EEPD1: variants seen among roughly 807,000 people sequenced by gnomAD.
EEPD1 encodes endonuclease/exonuclease/phosphatase family domain containing 1.
EEPD1 carries 17 observed loss-of-function variants against 46.3 expected under a neutral mutation model. That is an observed-to-expected ratio of 0.37 (90% confidence interval 0.25 to 0.55). EEPD1 has a LOEUF of 0.55. Ranked by LOEUF, EEPD1 falls within the 20% of genes least tolerant of loss-of-function variation. EEPD1 has a pLI of 0.83. For missense variants in EEPD1, 673 were observed against 745.6 expected, an observed-to-expected ratio of 0.90 and a Z score of 1.13; for synonymous variants, 313 against 315.6, an observed-to-expected ratio of 0.99 and a Z score of 0.09.
chr7:36,248,994 A>AACACACACACACACACACACACACACAC (rs71553052), intron 3 of EEPD1, among the ~76,000 whole-genome samples: 3 of 135,422 alleles, frequency 2.2e-5, no homozygotes, highest in South Asian at 5.1e-4. Context: ...TGGTTCATTA[A>AACACACACACACACACACACACACACAC]ACACACACAC....
At chr7:36,156,151 T>C (rs905769821) in intron 2 of EEPD1, among the ~76,000 whole-genome samples, 2 of 152,158 alleles carry the variant, frequency 1.3e-5, no homozygotes, top group Non-Finnish European at 2.9e-5. Context: ...TTGATTTCCT[T>C]TGCACTGAGT....
chr7:36,187,309 T>C (rs943462667), intron 2 of EEPD1, among the ~76,000 whole-genome samples: 2 of 152,208 alleles, frequency 1.3e-5, no homozygotes, highest in South Asian at 4.1e-4. Context: ...TGGCATAAAG[T>C]ACATTCACAT....
chr7:36,197,388 C>T (rs1469086734), intron 2 of EEPD1, among the ~76,000 whole-genome samples: 27 of 152,026 alleles, frequency 1.8e-4, no homozygotes, highest in Admixed American at 9.2e-4. Context: ...CCCCTCTGCC[C>T]GGCCACCACC....
intron 4 of EEPD1, 82 bp downstream of exon 4, chr7:36,281,307 T>C: frequency 3.9e-6 from 5 of 1,289,526 alleles, no homozygotes; most frequent in Non-Finnish European, 5.5e-6. Context: ...TTTAAAAATT[T>C]CCTTTGCCAA....
intron 2 of EEPD1, among the ~76,000 whole-genome samples, chr7:36,194,665 A>C (rs1048057852): frequency 3.9e-5 from 6 of 152,190 alleles, no homozygotes; most frequent in South Asian, 4.1e-4. Flanking sequence ...ACCTAGGAGG[A>C]GTCCCAGGCC....
At position 36,281,317 on chromosome 7, in the gene EEPD1, A is replaced by T. The variant is rs1214019771; in HGVS notation, c.1041+92A>T. On this transcript the variant is annotated intron_variant, in intron 4 of 7. Coordinates refer to ENST00000242108, the MANE Select transcript of EEPD1 (RefSeq NM_030636.3). ...GGGCATTTAAAAATTTCCTTTGCCAATATCCCCGGTTCAATTTTGTATTTC... is the reference window on the plus strand; with the variant it reads ...GGGCATTTAAAAATTTCCTTTGCCATTATCCCCGGTTCAATTTTGTATTTC... 3.6e-5 allele frequency: 41 copies of T among 1,125,906 alleles called. No individual in the cohort carries two copies. The South Asian group carries it at 4.5e-4, about 12-fold the overall frequency. The allele number at this position is 1,125,906 out of a possible 1,614,324, so 69.7% of individuals were successfully genotyped here. A position where few individuals can be genotyped will look rare whatever the true frequency, so the allele number is the denominator to read the frequency against.
At chr7:36,230,229 G>A (rs373358182) in intron 2 of EEPD1, among the ~76,000 whole-genome samples, 5 of 151,844 alleles carry the variant, frequency 3.3e-5, no homozygotes, top group Admixed American at 6.6e-5. Flanking sequence ...ACCTGGACCC[G>A]TCCTGGGTCT....
intron 5 of EEPD1, among the ~76,000 whole-genome samples, chr7:36,285,930 T>C (rs1000912879): frequency 6.6e-5 from 10 of 152,280 alleles, no homozygotes; most frequent in African/African-American, 2.4e-4. Flanking sequence ...GTCTGTGATA[T>C]TGATGGGGCT....
intron 3 of EEPD1, among the ~76,000 whole-genome samples, chr7:36,277,723 G>A (rs1787202383): frequency 6.6e-6 from 1 of 152,174 alleles, no homozygotes; most frequent in South Asian, 2.1e-4. Context: ...ATGAAAATTA[G>A]GACATAGAAT....
At chr7:36,271,298 C>G (rs1003343951) in intron 3 of EEPD1, among the ~76,000 whole-genome samples, 4 of 152,014 alleles carry the variant, frequency 2.6e-5, no homozygotes, top group Admixed American at 2.6e-4. Context: ...TAATGATCGC[C>G]GTTCTAACTG....
intron 2 of EEPD1, among the ~76,000 whole-genome samples, chr7:36,197,918 A>T (rs114866346): frequency 0.14 from 21,083 of 151,972 alleles, 1,475 homozygotes; most frequent in Middle Eastern, 0.19. Flanking sequence ...AATAAAAAAA[A>T]ATATGGAAAA....
At chr7:36,179,698 A>G (rs1410078769) in intron 2 of EEPD1, among the ~76,000 whole-genome samples, 1 of 3,058 alleles carries the variant, frequency 3.3e-4, no homozygotes, top group African/African-American at 5.3e-4. Context: ...TGTCTCTACT[A>G]AAAAAAAAAA....
chr7:36,271,837 TTC>T (rs1450033907), intron 3 of EEPD1, among the ~76,000 whole-genome samples: 2 of 57,612 alleles, frequency 3.5e-5, no homozygotes, highest in Admixed American at 3.6e-4. Flanking sequence ...TTCTATTCTA[TTC>T]TATTCTATTC....
At chr7:36,212,695 C>A (rs961296115) in intron 2 of EEPD1, among the ~76,000 whole-genome samples, 2 of 151,032 alleles carry the variant, frequency 1.3e-5, no homozygotes, top group African/African-American at 4.9e-5. Flanking sequence ...CGTATGTATT[C>A]ATGATATGAT....
intron 2 of EEPD1, among the ~76,000 whole-genome samples, chr7:36,226,756 A>C (rs745715834): frequency 6.6e-6 from 1 of 152,234 alleles, no homozygotes; most frequent in Non-Finnish European, 1.5e-5. Context: ...TCAACACTAC[A>C]ACTGTAGACT....
At chr7:36,240,891 G>A (rs762691973) in intron 3 of EEPD1, among the ~76,000 whole-genome samples, 89 of 152,148 alleles carry the variant, frequency 5.8e-4, no homozygotes, top group Non-Finnish European at 1.0e-3. Flanking sequence ...GGGGACCCCT[G>A]TTCTTAGGAA....
chr7:36,237,784 G>A (rs1786482148), intron 2 of EEPD1, among the ~76,000 whole-genome samples: 1 of 151,974 alleles, frequency 6.6e-6, no homozygotes, highest in African/African-American at 2.4e-5. Flanking sequence ...AACCCTGTCT[G>A]TACTAAAAAT....
chr7:36,271,248 C>T (rs1787097313), intron 3 of EEPD1, among the ~76,000 whole-genome samples: 1 of 152,146 alleles, frequency 6.6e-6, no homozygotes, highest in African/African-American at 2.4e-5. Context: ...GCTGGGATTA[C>T]AGGCATGAGC....
intron 3 of EEPD1, among the ~76,000 whole-genome samples, chr7:36,257,384 G>C (rs1208713199): frequency 6.6e-6 from 1 of 152,056 alleles, no homozygotes; most frequent in Admixed American, 6.6e-5. Flanking sequence ...CTAGGTTGGG[G>C]AAGTTCTCCT....
Sources: allele counts gnomAD v4.1 joint callset (sites outside exome capture counted in the v4.1 genomes callset), GRCh38; gene constraint gnomAD v4.1.1; transcripts MANE v1.5; gene names NCBI Gene and HGNC (gene_info 2026-07-23, HGNC 2026-07-21).